The following VGLL3 variants were observed in gnomAD, a reference collection of about 807,000 sequenced individuals.
The protein encoded by VGLL3 is transcription cofactor vestigial-like protein 3.
In VGLL3, 18 loss-of-function variants were observed where a neutral mutation model predicts 29.2. The ratio of observed to expected loss-of-function variants is 0.62; its 90% CI spans 0.43 to 0.91. VGLL3 has a LOEUF of 0.91. Among genes scored for constraint, VGLL3 ranks in the 40% least tolerant of loss-of-function variants. The probability of loss-of-function intolerance (pLI) is 0.00; values close to 1 mark genes in which losing one functional copy is unlikely to be tolerated. For synonymous variants in VGLL3, 180 were observed against 151.8 expected, an observed-to-expected ratio of 1.19 and a Z score of -1.36; for missense variants, 440 against 413.2, an observed-to-expected ratio of 1.06 and a Z score of -0.56.
intron 3 of VGLL3, among the ~76,000 whole-genome samples, chr3:86,950,275 TAACA>T (rs1704590705): frequency 6.6e-6 from 1 of 152,192 alleles, no homozygotes; most frequent in African/African-American, 2.4e-5. Context: ...TGAAGTGACC[TAACA>T]TTTTCTTAGG....
chr3:86,989,146 T>C (rs2107083039), intron 1 of VGLL3, among the ~76,000 whole-genome samples: 1 of 152,278 alleles, frequency 6.6e-6, no homozygotes, highest in Admixed American at 6.5e-5. Flanking sequence ...CCCTAAAAAA[T>C]AAAGCCATAT....
At chr3:86,983,138 T>C (rs1216550927) in intron 1 of VGLL3, among the ~76,000 whole-genome samples, 1 of 152,182 alleles carries the variant, frequency 6.6e-6, no homozygotes, top group Non-Finnish European at 1.5e-5. Flanking sequence ...ATGATTACCG[T>C]GCATATGTGG....
intron 3 of VGLL3, among the ~76,000 whole-genome samples, chr3:86,959,550 C>T (rs1704795573): frequency 6.6e-6 from 1 of 152,070 alleles, no homozygotes; most frequent in African/African-American, 2.4e-5. Context: ...TAACATAAAT[C>T]AAACTATTCT....
chr3:86,983,903 G>A (rs770697100), intron 1 of VGLL3, among the ~76,000 whole-genome samples: 1 of 152,130 alleles, frequency 6.6e-6, no homozygotes, highest in African/African-American at 2.4e-5. Context: ...GGTCAGGATG[G>A]CCTAACTATA....
At chr3:86,974,661 C>T (rs898178752) in intron 2 of VGLL3, among the ~76,000 whole-genome samples, 7 of 152,160 alleles carry the variant, frequency 4.6e-5, no homozygotes, top group Non-Finnish European at 8.8e-5. Flanking sequence ...TAAAGATTTA[C>T]CGTGTAAATA....
chr3:86,980,495 CA>C (rs1705301764), intron 1 of VGLL3, among the ~76,000 whole-genome samples: 1 of 152,030 alleles, frequency 6.6e-6, no homozygotes. Context: ...ATAGATAATT[CA>C]TACTTTGTAA....
intron 2 of VGLL3, among the ~76,000 whole-genome samples, chr3:86,975,830 C>T (rs920936859): frequency 4.6e-5 from 7 of 152,060 alleles, no homozygotes; most frequent in East Asian, 3.9e-4. Context: ...AACAGTGGGG[C>T]GCGGTGGCTC....
At chr3:86,973,103 A>AG (rs1705138819) in intron 2 of VGLL3, among the ~76,000 whole-genome samples, 1 of 152,096 alleles carries the variant, frequency 6.6e-6, no homozygotes, top group Non-Finnish European at 1.5e-5. Flanking sequence ...CCTCCAAAAA[A>AG]ATTTTTTAAA....
intron 3 of VGLL3, among the ~76,000 whole-genome samples, chr3:86,960,285 T>A (rs1197816027): frequency 2.0e-5 from 3 of 152,136 alleles, no homozygotes; most frequent in Non-Finnish European, 4.4e-5. Context: ...TTTACTGGCC[T>A]TAAACCATAA....
intron 1 of VGLL3, chr3:86,990,394 A>G (rs1223680281): frequency 1.0e-6 from 1 of 984,974 alleles, no homozygotes; most frequent in Non-Finnish European, 1.2e-6. Flanking sequence ...TCCGGTGACC[A>G]CAGCTCAATG....
chr3:86,938,168 T>C lies in VGLL3; in HGVS notation c.*8856A>G, dbSNP rs1199263974. On this transcript the variant is annotated 3_prime_UTR_variant, in exon 4 of 4. Transcript: ENST00000398399. ...CTGAGTTATAATTGACACATAAAAG[T>C]TATATATATTTAAGGTATACGATAT... 6.6e-6 allele frequency: 1 copy of C among 152,174 alleles called. No individual in the cohort carries two copies. Among genetic ancestry groups the C allele is most frequent in the African/African-American group, 2.4e-5 (1 of 41,434 alleles). 9.4% of individuals were successfully genotyped at this position (152,174 alleles called of 1,614,324 possible).
intron 3 of VGLL3, among the ~76,000 whole-genome samples, chr3:86,948,770 C>T (rs1045490289): frequency 2.0e-5 from 3 of 151,922 alleles, no homozygotes; most frequent in African/African-American, 7.3e-5. Flanking sequence ...TTTCCTTTCC[C>T]ATTTCGAAAG....
At chr3:86,960,918 G>A (rs73844418) in intron 3 of VGLL3, among the ~76,000 whole-genome samples, 4,307 of 133,208 alleles carry the variant, frequency 0.032, 219 homozygotes, top group African/African-American at 0.11. Context: ...ATTAGGTTAT[G>A]CAAAAGTAAT....
At chr3:86,950,770 A>G (rs961872708) in intron 3 of VGLL3, among the ~76,000 whole-genome samples, 3 of 152,172 alleles carry the variant, frequency 2.0e-5, no homozygotes, top group Non-Finnish European at 4.4e-5. Flanking sequence ...GTCATATTTA[A>G]CTGATGTGTC....
At chr3:86,989,900 T>G (rs1273358232) in intron 1 of VGLL3, among the ~76,000 whole-genome samples, 1 of 152,154 alleles carries the variant, frequency 6.6e-6, no homozygotes, top group East Asian at 1.9e-4. Context: ...CGACCCCTTA[T>G]TATGGACATC....
At chr3:86,988,831 T>G (rs557102834) in intron 1 of VGLL3, among the ~76,000 whole-genome samples, 50 of 151,822 alleles carry the variant, frequency 3.3e-4, no homozygotes, top group African/African-American at 1.2e-3. Flanking sequence ...AACCAATCAA[T>G]GTAGATAAAT....
At chr3:86,955,641 T>G (rs1704706272) in intron 3 of VGLL3, among the ~76,000 whole-genome samples, 1 of 152,168 alleles carries the variant, frequency 6.6e-6, no homozygotes, top group Non-Finnish European at 1.5e-5. Flanking sequence ...TCCACCCACC[T>G]TGGCCTCCCA....
intron 1 of VGLL3, among the ~76,000 whole-genome samples, chr3:86,980,117 T>A (rs543750558): frequency 6.6e-4 from 100 of 151,896 alleles, no homozygotes; most frequent in African/African-American, 2.3e-3. Flanking sequence ...AACCTGATCC[T>A]TGATCATACC....
At chr3:86,990,188 G>T in intron 1 of VGLL3, 1 of 439,148 alleles carries the variant, frequency 2.3e-6, no homozygotes, top group Non-Finnish European at 3.0e-6. Flanking sequence ...TCACTCTCCA[G>T]GTAGCTTCCC....
Sources: gnomAD v4.1 joint callset for allele counts (sites outside exome capture counted in the v4.1 genomes callset) on GRCh38, gnomAD v4.1.1 for gene constraint, MANE v1.5 for transcripts, NCBI Gene and HGNC (gene_info 2026-07-23, HGNC 2026-07-21) for gene names.